ITFG2: variants seen among roughly 807,000 people sequenced by gnomAD.
ITFG2 encodes integrin alpha FG-GAP repeat containing 2, also known as KICSTOR complex protein ITFG2.
In ITFG2, 36 loss-of-function variants were observed where a neutral mutation model predicts 54.4. That is an observed-to-expected ratio of 0.66 (90% CI 0.51 to 0.87). The LOEUF is 0.87. Ranked by LOEUF, ITFG2 falls within the 40% of genes least tolerant of loss-of-function variation. The pLI, the probability that ITFG2 is intolerant of heterozygous loss-of-function variation, is 0.00. For missense variants in ITFG2, 524 were observed against 576.7 expected, an observed-to-expected ratio of 0.91 and a Z score of 0.94; for synonymous variants, 211 against 225.4, an observed-to-expected ratio of 0.94 and a Z score of 0.57.
At position 2,823,853 on chromosome 12, in the gene ITFG2, G is replaced by T. The variant is rs1360648868; in HGVS notation, c.1150G>T (p.Val384Leu). 1 of 1,613,050 alleles carries T rather than the reference G, an allele frequency of 6.2e-7. No homozygotes were observed. The highest frequency in any genetic ancestry group is 8.5e-7 in the Non-Finnish European group (1 of 1,179,522). The change falls in exon 11 of 12, where the codon GTG (valine) becomes TTG (leucine). Residue 384 changes from valine to leucine, a missense_variant. By Grantham distance (32) the Val-to-Leu change is conservative. Transcript: ENST00000228799. ...FNQKIYVYWE[V>L]QLERMESTNL... is the part of the protein sequence containing the mutation. ...CCAGAAGATCTATGTGTACTGGGAG[G>T]TGCAGCTGGAGCGGATGGAGTCTAC...
chr12:2,857,131 G>A, intron 2 of ITFG2: 1 of 700,766 alleles, frequency 1.4e-6, no homozygotes, highest in South Asian at 1.5e-5. Flanking sequence ...GAGTGGTGAT[G>A]CAGAGAAGAG....
chr12:2,854,796 G>A (rs746807232), intron 2 of ITFG2: 18 of 1,253,606 alleles, frequency 1.4e-5, no homozygotes, highest in Admixed American at 2.7e-5. Context: ...GGCCAGAGCG[G>A]GGAAGGACAG....
intron 2 of ITFG2, among the ~76,000 whole-genome samples, chr12:2,852,969 T>C (rs1204175076): frequency 2.6e-5 from 4 of 151,540 alleles, no homozygotes; most frequent in East Asian, 2.0e-4. Flanking sequence ...CACTGCACTC[T>C]AGCATGGGCA....
intron 2 of ITFG2, chr12:2,830,656 G>A (rs1441509508): frequency 6.5e-7 from 1 of 1,549,850 alleles, no homozygotes. Flanking sequence ...AGCAGGTGAA[G>A]TGAGTGCAGG....
At chr12:2,814,850 CAGAA>C (rs372126454) in intron 1 of ITFG2, among the ~76,000 whole-genome samples, 5,320 of 151,578 alleles carry the variant, frequency 0.035, 142 homozygotes, top group Middle Eastern at 0.065. Context: ...AACAAAAAAA[CAGAA>C]AGAAAAGAAA....
chr12:2,830,965 A>AG, downstream of ITFG2: 1 of 1,079,214 alleles, frequency 9.3e-7, no homozygotes, highest in African/African-American at 3.1e-5. Flanking sequence ...CCACCCCCCC[A>AG]GCCCTGAGCC....
chr12:2,850,155 G>A (rs2098065407), intron 2 of ITFG2, among the ~76,000 whole-genome samples: 1 of 152,092 alleles, frequency 6.6e-6, no homozygotes, highest in Non-Finnish European at 1.5e-5. Flanking sequence ...AATCTCCAGA[G>A]GGAGGCTCAA....
At position 2,822,883 on chromosome 12, in the gene ITFG2, G is replaced by A. The variant is rs186764925; in HGVS notation, c.1038G>A (p.Val346=). The A allele has an allele frequency of 1.9e-6, 3 of 1,614,096 alleles. No individual in the cohort carries two copies. The highest frequency in any genetic ancestry group is 2.2e-5 in the East Asian group (1 of 44,888). ...DHNRTVVRFQ[V]DENIRAFCAG... Reference sequence around the variant, plus strand: ...ACCGCACCGTCGTCCGCTTCCAAGTGGATGAAAATATCCGTGCCTTCTGTG... The same window carrying A: ...ACCGCACCGTCGTCCGCTTCCAAGTAGATGAAAATATCCGTGCCTTCTGTG... Residue 346 remains valine (V), a synonymous_variant, in exon 10 of 12, where the codon GTG becomes GTA. Coordinates refer to ENST00000228799, the MANE Select transcript of ITFG2 (RefSeq NM_018463.4).
intron 2 of ITFG2, among the ~76,000 whole-genome samples, chr12:2,849,917 C>CTGCGGTATT (rs1295951947): frequency 2.0e-5 from 3 of 152,224 alleles, no homozygotes; most frequent in Non-Finnish European, 4.4e-5. Context: ...CTCAGTAAGC[C>CTGCGGTATT]TGCGGTATTG....
At chr12:2,826,776 G>C (rs2097969342), downstream of ITFG2, 1 of 217,966 alleles carries the variant, frequency 4.6e-6, no homozygotes, top group Non-Finnish European at 9.0e-6. Context: ...AGTTGTGGGA[G>C]ATAATGAGGC....
upstream of ITFG2, among the ~76,000 whole-genome samples, chr12:2,832,126 A>G (rs2098006294): frequency 6.6e-6 from 1 of 152,078 alleles, no homozygotes; most frequent in Admixed American, 6.6e-5. Context: ...TCTCATACCT[A>G]CCGAATCAGA....
At chr12:2,856,345 C>T (rs562468380) in intron 2 of ITFG2, among the ~76,000 whole-genome samples, 6 of 152,188 alleles carry the variant, frequency 3.9e-5, no homozygotes, top group East Asian at 1.9e-4. Context: ...TAAAATGCTT[C>T]GCCCTCCTAT....
At chr12:2,817,581 T>G (rs754462278) in intron 2 of ITFG2, 7 of 519,384 alleles carry the variant, frequency 1.3e-5, no homozygotes, top group Non-Finnish European at 2.4e-5. Flanking sequence ...TGCCTAAGGT[T>G]GTCTAATCTT....
intron 2 of ITFG2, chr12:2,849,466 T>A: frequency 6.5e-7 from 1 of 1,536,142 alleles, no homozygotes; most frequent in Non-Finnish European, 8.7e-7. Context: ...GGGAAACGGG[T>A]TGGGCATGAG....
At chr12:2,820,660 C>CCCCGGGGGGG in intron 5 of ITFG2, 64 bp from the exon 6 acceptor site, 1 of 1,227,974 alleles carries the variant, frequency 8.1e-7, no homozygotes, top group Non-Finnish European at 1.2e-6. Flanking sequence ...CGCCCCCTGC[C>CCCCGGGGGGG]GTTCTCTGCA....
upstream of ITFG2, chr12:2,835,156 CGTATGTGTGTGT>C (rs994361106): frequency 3.7e-5 from 48 of 1,299,598 alleles, no homozygotes; most frequent in African/African-American, 1.0e-3. Context: ...GTGGATGGGG[CGTATGTGTGTGT>C]GTGTGTGTGT....
At chr12:2,856,870 G>A (rs2153930067) in intron 2 of ITFG2, 1 of 696,160 alleles carries the variant, frequency 1.4e-6, no homozygotes, top group Non-Finnish European at 2.6e-6. Context: ...CTGCTGCCCA[G>A]AAGAAAGCCT....
chr12:2,813,609 C>T (rs2097914505), intron 1 of ITFG2, among the ~76,000 whole-genome samples: 1 of 152,152 alleles, frequency 6.6e-6, no homozygotes, highest in South Asian at 2.1e-4. Context: ...GGAATAGTGT[C>T]TGATGCTCTT....
At chr12:2,826,204 TA>T (rs5796030), downstream of ITFG2, 23,899 of 135,050 alleles carry the variant, frequency 0.18, 1,947 homozygotes, top group South Asian at 0.37. Context: ...CCCCAAACTT[TA>T]AAAAAAAAAA....
Sources: gnomAD v4.1 joint callset for allele counts (sites outside exome capture counted in the v4.1 genomes callset) on GRCh38, gnomAD v4.1.1 for gene constraint, MANE v1.5 for transcripts, NCBI Gene and HGNC (gene_info 2026-07-23, HGNC 2026-07-21) for gene names.